Variants in GSE1 observed in about 807,000 individuals in gnomAD.
GSE1 encodes Gse1 coiled-coil protein.
A neutral mutation model predicts 112.6 loss-of-function variants in GSE1; 32 were observed. The observed-to-expected ratio is 0.28, with a 90% CI of 0.21 to 0.38. The LOEUF (loss-of-function observed/expected upper bound fraction) is 0.38. Ranked by LOEUF, GSE1 falls within the 10% of genes least tolerant of loss-of-function variation. GSE1 has a pLI of 1.00. For missense variants in GSE1, 2,348 were observed against 1,699.2 expected (o/e 1.38, Z -6.71); for synonymous variants, 1,115 against 735.6 (o/e 1.52, Z -8.35).
At chr16:85,202,700 T>G (rs1401077951) in intron 1 of GSE1, among the ~76,000 whole-genome samples, 1 of 152,174 alleles carries the variant, frequency 6.6e-6, no homozygotes, top group Admixed American at 6.5e-5. Flanking sequence ...GGAGGGGCCC[T>G]GGGGGGCCTC....
chr16:85,485,812 C>T (rs2050816963), intron 2 of GSE1, among the ~76,000 whole-genome samples: 1 of 152,190 alleles, frequency 6.6e-6, no homozygotes, highest in South Asian at 2.1e-4. Context: ...GCAGCCCTCC[C>T]CCTGCAGCCC....
intron 2 of GSE1, among the ~76,000 whole-genome samples, chr16:85,445,113 G>C (rs1353064882): frequency 6.6e-6 from 1 of 152,218 alleles, no homozygotes; most frequent in African/African-American, 2.4e-5. Context: ...CTGAATCGCT[G>C]GTGGCACCCC....
At chr16:85,408,395 T>TG (rs1317392272) in intron 2 of GSE1, among the ~76,000 whole-genome samples, 1 of 13,970 alleles carries the variant, frequency 7.2e-5, no homozygotes, top group Non-Finnish European at 1.2e-4. Context: ...AGGGTCCCTC[T>TG]GATAATCCTC....
chr16:85,533,405 G>A (rs1246630528), intron 2 of GSE1, among the ~76,000 whole-genome samples: 2 of 152,076 alleles, frequency 1.3e-5, no homozygotes, highest in Non-Finnish European at 2.9e-5. Flanking sequence ...GGGCGACACA[G>A]CGAGACTCCG....
At chr16:85,656,141 C>T (rs1288087732) in intron 6 of GSE1, among the ~76,000 whole-genome samples, 2 of 152,134 alleles carry the variant, frequency 1.3e-5, no homozygotes, top group South Asian at 2.1e-4. Context: ...GAGGAGCTCT[C>T]GGGCGTGCTT....
chr16:85,291,090 C>T (rs745655073), intron 1 of GSE1, among the ~76,000 whole-genome samples: 1 of 152,238 alleles, frequency 6.6e-6, no homozygotes, highest in Non-Finnish European at 1.5e-5. Flanking sequence ...TTCATGGAAT[C>T]CTTACAGCAG....
At chr16:85,400,186 G>A (rs1346865762) in intron 2 of GSE1, among the ~76,000 whole-genome samples, 1 of 152,290 alleles carries the variant, frequency 6.6e-6, no homozygotes, top group African/African-American at 2.4e-5. Context: ...CGCCCCACAG[G>A]CCCTCCCCTC....
chr16:85,650,283 C>G (rs1332685135), intron 3 of GSE1, among the ~76,000 whole-genome samples: 4 of 151,768 alleles, frequency 2.6e-5, no homozygotes, highest in African/African-American at 7.3e-5. Context: ...GAGGCCGCCC[C>G]CCAGGGCCAG....
intron 1 of GSE1, among the ~76,000 whole-genome samples, chr16:85,587,967 G>A (rs1241482625): frequency 6.6e-6 from 1 of 152,140 alleles, no homozygotes; most frequent in Non-Finnish European, 1.5e-5. Context: ...TCACCCCTGT[G>A]GATGCCCTCG....
intron 8 of GSE1, among the ~76,000 whole-genome samples, chr16:85,657,818 C>T (rs1468969750): frequency 1.3e-5 from 2 of 152,184 alleles, no homozygotes; most frequent in South Asian, 4.1e-4. Flanking sequence ...GTATCCCCAC[C>T]AGTAAGTAAA....
At chr16:85,560,802 C>T (rs941135245) in intron 1 of GSE1, among the ~76,000 whole-genome samples, 12 of 152,006 alleles carry the variant, frequency 7.9e-5, no homozygotes, top group Admixed American at 2.6e-4. Context: ...GACTCAGTGC[C>T]GGGCCAGTAA....
At chr16:85,183,192 C>T (rs1405243877) in intron 1 of GSE1, among the ~76,000 whole-genome samples, 1 of 152,162 alleles carries the variant, frequency 6.6e-6, no homozygotes, top group Non-Finnish European at 1.5e-5. Flanking sequence ...CGCATGTCCT[C>T]ACACACATGT....
intron 1 of GSE1, among the ~76,000 whole-genome samples, chr16:85,560,720 A>T (rs2045478505): frequency 6.6e-6 from 1 of 151,934 alleles, no homozygotes; most frequent in Admixed American, 6.6e-5. Context: ...GTATGCCTAG[A>T]TCCCCCCTTT....
intron 1 of GSE1, among the ~76,000 whole-genome samples, chr16:85,602,058 TCCGTGGTTCAGATC>T (rs1338558504): frequency 6.6e-6 from 1 of 152,128 alleles, no homozygotes; most frequent in Non-Finnish European, 1.5e-5. Flanking sequence ...AAGAAGCTCC[TCCGTGGTTCAGATC>T]CCAGCCCCAC....
chr16:85,176,544 A>ATGG (rs1284276323), intron 1 of GSE1, among the ~76,000 whole-genome samples: 1 of 152,252 alleles, frequency 6.6e-6, no homozygotes, highest in Non-Finnish European at 1.5e-5. Flanking sequence ...GCTCCCGTCG[A>ATGG]AGATGGGTCT....
chr16:85,301,142 GGC>G (rs2045512560), intron 1 of GSE1, among the ~76,000 whole-genome samples: 1 of 152,234 alleles, frequency 6.6e-6, no homozygotes, highest in Non-Finnish European at 1.5e-5. Context: ...CCCATCACAT[GGC>G]GCCGTGGTGG....
rs191999069 is a variant in GSE1, at chr16:85,219,069, C to T, written c.2283+47262C>T. On this transcript the variant is annotated intron_variant, in intron 1 of 2. Coordinates refer to the GSE1 transcript ENST00000637419. ...TAGTTTTTTGTATTTTTAGTAGAGA[C>T]GGGGTTTCACCATGTTAGCCAGGAT... Among the ~76,000 whole-genome samples, 1,433 of 152,198 alleles carry T rather than the reference C, an allele frequency of 9.4e-3. 10 individuals are homozygous for T. The highest frequency in any genetic ancestry group is 0.016 in the Non-Finnish European group (1,068 of 67,998).
chr16:85,216,508 A>C (rs557389363), intron 1 of GSE1, among the ~76,000 whole-genome samples: 70 of 152,226 alleles, frequency 4.6e-4, no homozygotes, highest in Non-Finnish European at 1.5e-4. Context: ...AATATTTTTT[A>C]AGTAGTCATA....
intron 1 of GSE1, among the ~76,000 whole-genome samples, chr16:85,617,934 G>T (rs1206914672): frequency 3.9e-5 from 6 of 152,162 alleles, no homozygotes; most frequent in African/African-American, 1.4e-4. Flanking sequence ...GGACGGCGTG[G>T]CACCTGTCAC....
Sources: allele counts gnomAD v4.1 joint callset (sites outside exome capture counted in the v4.1 genomes callset), GRCh38; gene constraint gnomAD v4.1.1; transcripts MANE v1.5; gene names NCBI Gene and HGNC (gene_info 2026-07-23, HGNC 2026-07-21).